Variants in MYO1D observed in about 807,000 individuals in gnomAD.
MYO1D encodes myosin ID, also known as unconventional myosin-Id.
A neutral mutation model predicts 122.0 loss-of-function variants in MYO1D; 83 were observed. That is an observed-to-expected ratio of 0.68 (90% CI 0.57 to 0.82). The LOEUF is 0.82. MYO1D is among the 40% of genes least tolerant of loss of function. The pLI, the probability that MYO1D is intolerant of heterozygous loss-of-function variation, is 0.00. For missense variants in MYO1D, 1,157 were observed against 1,269.5 expected (o/e 0.91, Z 1.35); for synonymous variants, 464 against 446.9 (o/e 1.04, Z -0.48).
chr17:32,605,925 CAA>C (rs113378300), intron 20 of MYO1D, among the ~76,000 whole-genome samples: 2 of 142,400 alleles, frequency 1.4e-5, no homozygotes, highest in African/African-American at 2.6e-5. Context: ...TACTGAAATA[CAA>C]AAAAAAAAAC....
intron 1 of MYO1D, among the ~76,000 whole-genome samples, chr17:32,840,145 A>G (rs984995263): frequency 2.0e-5 from 3 of 152,226 alleles, no homozygotes; most frequent in Non-Finnish European, 4.4e-5. Flanking sequence ...CCTGGGGTTC[A>G]TATACAACAG....
chr17:32,776,959 C>T (rs533546121), intron 3 of MYO1D, among the ~76,000 whole-genome samples: 23 of 152,284 alleles, frequency 1.5e-4, no homozygotes, highest in Admixed American at 7.8e-4. Flanking sequence ...CTGTTACTCC[C>T]GCTAATACTG....
Position 32,797,534 on chromosome 17 carries a change from T to C in MYO1D, c.96-16750A>G, listed in dbSNP as rs142213695. ...AAACATCACATTCATATAACTTTTATTACAGTTTATTGTTATAATTGTTCT... is the reference window on the plus strand; with the variant it reads ...AAACATCACATTCATATAACTTTTACTACAGTTTATTGTTATAATTGTTCT... On this transcript the variant is annotated intron_variant, in intron 1 of 21. Transcript: ENST00000318217. Among the ~76,000 whole-genome samples, 74 of 152,368 alleles carry C rather than the reference T, an allele frequency of 4.9e-4. 1 individual carries two copies. The East Asian group carries it at 0.011, about 23-fold the overall frequency.
chr17:32,778,471 T>C lies in MYO1D; in HGVS notation c.398+9A>G. On this transcript the variant is annotated intron_variant, in intron 3 of 21. Transcript: ENST00000318217. ...TAAGAATTCCTCCCCATTATTAGAG[T>C]GCTCTTACCTTTCAACCTCTGCTCT... The C allele has an allele frequency of 1.9e-6, 3 of 1,605,970 alleles. No individual in the cohort carries two copies. Among genetic ancestry groups the C allele is most frequent in the Non-Finnish European group, 2.6e-6 (3 of 1,172,698 alleles).
At chr17:32,713,871 G>T (rs569521771) in intron 15 of MYO1D, among the ~76,000 whole-genome samples, 1 of 151,852 alleles carries the variant, frequency 6.6e-6, no homozygotes, top group Non-Finnish European at 1.5e-5. Flanking sequence ...TGATCTGCCC[G>T]CCTTGGCCTC....
Position 32,704,134 on chromosome 17 carries a change from T to C in MYO1D, c.2121+7854A>G, listed in dbSNP as rs373474844. On this transcript the variant is annotated intron_variant, in intron 16 of 21. Coordinates refer to ENST00000318217, the MANE Select transcript of MYO1D (RefSeq NM_015194.3). ...TTGAAAACTTATATAGTTTCTTCAG[T>C]GCCTTCTAGAAACACCATCTTAGTG... is the stretch of plus-strand genomic sequence containing the variant. Among the ~76,000 whole-genome samples, 3 of 152,200 alleles carry C rather than the reference T, an allele frequency of 2.0e-5. No individual in the cohort carries two copies. In the East Asian group the frequency reaches 5.8e-4, roughly 29 times the overall value.
chr17:32,585,358 G>A (rs910940073), intron 21 of MYO1D, among the ~76,000 whole-genome samples: 3 of 152,176 alleles, frequency 2.0e-5, no homozygotes, highest in African/African-American at 7.2e-5. Flanking sequence ...TCTTACCAGC[G>A]ATTGTTGCAT....
chr17:32,713,604 T>C (rs73280078), intron 15 of MYO1D, among the ~76,000 whole-genome samples: 7,442 of 152,214 alleles, frequency 0.049, 587 homozygotes, highest in African/African-American at 0.17. Context: ...GCACCCTTGA[T>C]AGATTTAGTG....
chr17:32,659,124 A>G lies in MYO1D; in HGVS notation c.2336T>C (p.Ile779Thr), dbSNP rs1313804685. The G allele has an allele frequency of 2.5e-6, 4 of 1,614,098 alleles. No individual in the cohort carries two copies. The South Asian group carries it at 4.4e-5, about 18-fold the overall frequency. The change falls in exon 17 of 22, where the codon ATT (isoleucine) becomes ACT (threonine). Residue 779 changes from isoleucine to threonine, a missense_variant. Physicochemically the swap from Ile to Thr is moderately conservative, Grantham distance 89 (BLOSUM62 -1). Coordinates refer to ENST00000318217, the MANE Select transcript of MYO1D (RefSeq NM_015194.3). Reference protein sequence around the residue: ...LRRFEEALQTIFNRWRASQLI... With the variant: ...LRRFEEALQTTFNRWRASQLI... The stretch of plus-strand genomic sequence containing the variant: ...AGCAGCACGTTCTTACCTATTGAAA[A>G]TCGTCTGCAGGGCCTCCTCAAAACG...
At chr17:32,587,631 T>G (rs544105028) in intron 21 of MYO1D, among the ~76,000 whole-genome samples, 1 of 152,240 alleles carries the variant, frequency 6.6e-6, no homozygotes, top group African/African-American at 2.4e-5. Context: ...GTTTTGTTTA[T>G]CCAATTTTTG....
At chr17:32,732,132 C>T (rs563512650) in intron 14 of MYO1D, among the ~76,000 whole-genome samples, 40 of 152,328 alleles carry the variant, frequency 2.6e-4, no homozygotes, top group Admixed American at 9.8e-4. Context: ...GGAAGGCCAA[C>T]GGGGTGCTGA....
At chr17:32,843,220 C>T (rs1217519091) in intron 1 of MYO1D, among the ~76,000 whole-genome samples, 1 of 152,132 alleles carries the variant, frequency 6.6e-6, no homozygotes, top group African/African-American at 2.4e-5. Flanking sequence ...GACAGGAATT[C>T]CTCTTAAATT....
At position 32,772,846 on chromosome 17, in the gene MYO1D, A is replaced by G. The variant is rs754975599; in HGVS notation, c.565-4T>C. Reference sequence around the variant, plus strand: ...GCTGTTGCACAATCACTCGAGACTAAGAAAAAACACATTAAAATGGTTAAC... The same window carrying G: ...GCTGTTGCACAATCACTCGAGACTAGGAAAAAACACATTAAAATGGTTAAC... On this transcript the variant is annotated splice_polypyrimidine_tract_variant and splice_region_variant and intron_variant, in intron 4 of 21. Transcript: ENST00000318217. 1 of 1,613,120 alleles carries G rather than the reference A, an allele frequency of 6.2e-7. No individual in the cohort carries two copies. Among genetic ancestry groups the G allele is most frequent in the Admixed American group, 1.7e-5 (1 of 60,008 alleles).
chr17:32,600,747 CA>C (rs1185353896), intron 21 of MYO1D, among the ~76,000 whole-genome samples: 1 of 152,146 alleles, frequency 6.6e-6, no homozygotes, highest in East Asian at 1.9e-4. Flanking sequence ...CCAGACCACT[CA>C]AACTTTCTCC....
At chr17:32,624,335 A>C (rs2087896904) in intron 20 of MYO1D, among the ~76,000 whole-genome samples, 1 of 148,522 alleles carries the variant, frequency 6.7e-6, no homozygotes, top group Admixed American at 6.8e-5. Context: ...TATAGGTGTT[A>C]ACCATTGCGC....
intron 21 of MYO1D, among the ~76,000 whole-genome samples, chr17:32,600,105 G>A (rs546897597): frequency 5.1e-4 from 77 of 152,338 alleles, no homozygotes; most frequent in African/African-American, 1.7e-3. Context: ...TAGATGTACT[G>A]TCAATGCATA....
At chr17:32,855,126 T>G (rs114132131) in intron 1 of MYO1D, among the ~76,000 whole-genome samples, 427 of 152,340 alleles carry the variant, frequency 2.8e-3, no homozygotes, top group African/African-American at 9.6e-3. Context: ...GCTACAAACC[T>G]TTAATTGCTT....
intron 1 of MYO1D, among the ~76,000 whole-genome samples, chr17:32,819,511 T>A (rs1042386365): frequency 6.6e-6 from 1 of 152,334 alleles, no homozygotes; most frequent in South Asian, 2.1e-4. Flanking sequence ...ATTCTCTGCA[T>A]CAGGTGCTTT....
chr17:32,678,749 T>C (rs1447889302), intron 16 of MYO1D, among the ~76,000 whole-genome samples: 1 of 148,288 alleles, frequency 6.7e-6, no homozygotes, highest in East Asian at 2.0e-4. Flanking sequence ...AGCAGCATGA[T>C]TTATAGTCAT....
Sources: allele counts gnomAD v4.1 joint callset (sites outside exome capture counted in the v4.1 genomes callset), GRCh38; gene constraint gnomAD v4.1.1; transcripts MANE v1.5; gene names NCBI Gene and HGNC (gene_info 2026-07-23, HGNC 2026-07-21).